UBE2J2: variants seen among roughly 807,000 people sequenced by gnomAD.
UBE2J2 encodes the protein ubiquitin-conjugating enzyme E2 J2.
A neutral mutation model predicts 28.6 loss-of-function variants in UBE2J2; 5 were observed. The ratio of observed to expected loss-of-function variants is 0.17; its 90% CI spans 0.09 to 0.37. The LOEUF (loss-of-function observed/expected upper bound fraction) is 0.37. Among genes scored for constraint, UBE2J2 ranks in the 10% least tolerant of loss-of-function variants. The probability of loss-of-function intolerance (pLI) is 1.00; values close to 1 mark genes in which losing one functional copy is unlikely to be tolerated. For synonymous variants in UBE2J2, 138 were observed against 139.7 expected (o/e 0.99, Z 0.09); for missense variants, 226 against 338.9 (o/e 0.67, Z 2.62).
At chr1:1,263,455 G>C in intron 2 of UBE2J2, 69 bp from the exon 3 acceptor site, 2 of 1,438,296 alleles carry the variant, frequency 1.4e-6, no homozygotes, top group Non-Finnish European at 2.0e-6. Context: ...ATCATTCCAA[G>C]CCTGGGGTTT....
intron 3 of UBE2J2, among the ~76,000 whole-genome samples, chr1:1,258,938 G>C (rs965143789): frequency 1.3e-5 from 2 of 152,246 alleles, no homozygotes; most frequent in East Asian, 1.9e-4. Context: ...CCAACCAGAG[G>C]ACCACAAGTG....
chr1:1,272,230 C>A (rs1008792218), intron 1 of UBE2J2, among the ~76,000 whole-genome samples: 3 of 152,056 alleles, frequency 2.0e-5, no homozygotes, highest in Non-Finnish European at 4.4e-5. Flanking sequence ...CTTCAAACAT[C>A]CCCACAGACA....
intron 2 of UBE2J2, among the ~76,000 whole-genome samples, chr1:1,266,586 C>T (rs953063786): frequency 1.3e-5 from 2 of 152,192 alleles, no homozygotes; most frequent in Admixed American, 6.5e-5. Context: ...TTCTGGGAGG[C>T]CAAGGCGGGC....
chr1:1,264,926 C>G (rs1639759756), intron 2 of UBE2J2: 1 of 153,618 alleles, frequency 6.5e-6, no homozygotes, highest in Non-Finnish European at 1.5e-5. Flanking sequence ...AATGGGATGA[C>G]GTATAGTAAT....
At position 1,258,032 on chromosome 1, in the gene UBE2J2, T is replaced by G. The variant is rs1038381120; in HGVS notation, c.173-722A>C. On this transcript the variant is annotated intron_variant, in intron 3 of 6. Transcript: ENST00000349431. ...AGGGTCACCCACACGTTCCCACTTTTTTTTGTTTTGTTTTGTTTTTTTTTT... is the reference window on the plus strand; with the variant it reads ...AGGGTCACCCACACGTTCCCACTTTGTTTTGTTTTGTTTTGTTTTTTTTTT... Among the ~76,000 whole-genome samples, 11 of 152,058 alleles carry G rather than the reference T, an allele frequency of 7.2e-5. No homozygotes were observed. The Middle Eastern group carries it at 0.01, about 141-fold the overall frequency.
intron 3 of UBE2J2, 70 bp from the exon 4 acceptor site, chr1:1,257,380 A>AC (rs1570539059): frequency 1.1e-4 from 32 of 299,396 alleles, no homozygotes; most frequent in South Asian, 3.8e-4. Context: ...CCTCGTCCCC[A>AC]TCCCCCCACG....
chr1:1,269,869 T>C (rs1314989517), intron 1 of UBE2J2, among the ~76,000 whole-genome samples: 1 of 152,184 alleles, frequency 6.6e-6, no homozygotes, highest in Non-Finnish European at 1.5e-5. Context: ...ACCGGAAGTC[T>C]ACTCTACCCA....
chr1:1,260,656 C>G (rs549324016), intron 3 of UBE2J2, among the ~76,000 whole-genome samples: 5 of 152,214 alleles, frequency 3.3e-5, no homozygotes, highest in Non-Finnish European at 7.3e-5. Flanking sequence ...GCTTGAACAT[C>G]CCCACACCCC....
chr1:1,263,349 C>T lies in UBE2J2; in HGVS notation c.169G>A (p.Glu57Lys). The change falls in exon 3 of 7, where the codon GAA becomes AAA. Residue 57 changes from glutamate to lysine, a missense_variant. By Grantham distance (56) the Glu-to-Lys change is moderately conservative. Coordinates refer to ENST00000349431, the MANE Select transcript of UBE2J2 (RefSeq NM_058167.3). ...CTCCTAAGCACAGAATCCTTACCTT[C>T]ATAAGGGGTCATCTCTGGGCCTCGG... is the stretch of plus-strand genomic sequence containing the variant. ...VVRGPEMTPY[E>K]GGYYHGKLIF... The T allele has an allele frequency of 6.2e-7, 1 of 1,613,362 alleles. No individual in the cohort carries two copies. Among genetic ancestry groups the T allele is most frequent in the Non-Finnish European group, 8.5e-7 (1 of 1,179,416 alleles).
intron 2 of UBE2J2, among the ~76,000 whole-genome samples, chr1:1,265,541 G>A (rs760523564): frequency 2.0e-5 from 3 of 150,928 alleles, no homozygotes; most frequent in East Asian, 1.9e-4. Flanking sequence ...TGCCTCTTCC[G>A]CTGGCTGACT....
chr1:1,264,113 C>T (rs958492202), intron 2 of UBE2J2, among the ~76,000 whole-genome samples: 7 of 152,086 alleles, frequency 4.6e-5, no homozygotes, highest in African/African-American at 1.7e-4. Context: ...CGGCTCGGTA[C>T]CCCCAGCCCT....
intron 3 of UBE2J2, among the ~76,000 whole-genome samples, chr1:1,261,433 C>A (rs555656584): frequency 6.6e-6 from 1 of 152,308 alleles, no homozygotes; most frequent in East Asian, 1.9e-4. Context: ...CGCACCACAC[C>A]CAGGGGCTGC....
intron 1 of UBE2J2, among the ~76,000 whole-genome samples, chr1:1,270,632 C>T (rs1226685543): frequency 6.6e-6 from 1 of 152,200 alleles, no homozygotes; most frequent in Non-Finnish European, 1.5e-5. Flanking sequence ...CCTCCCAACT[C>T]CCCCCGTGGG....
rs1239376368 is a variant in UBE2J2, at chr1:1,255,183, T to C, written c.*20A>G. ...GTGCGCGGTGCCCTCAGTGGCGCCT[T>C]GGGTCTCGGCGCCTGGGCCTCACTC... On this transcript the variant is annotated 3_prime_UTR_variant, in exon 7 of 7. Transcript: ENST00000349431. 6.4e-7 allele frequency: 1 copy of C among 1,564,018 alleles called. No individual in the cohort carries two copies. The highest frequency in any genetic ancestry group is 2.3e-5 in the East Asian group (1 of 44,218).
In UBE2J2 at chr1:1,273,791, G is replaced by C. The variant is rs1368063290; in HGVS notation, c.-126C>G. Reference sequence around the variant, plus strand: ...GCACCGCCCCGGGATTGGGCCCACCGAACCCGCCGCAGCGCCGCCGCCGCC... The same window carrying C: ...GCACCGCCCCGGGATTGGGCCCACCCAACCCGCCGCAGCGCCGCCGCCGCC... On this transcript the variant is annotated 5_prime_UTR_variant, in exon 1 of 7. Coordinates refer to ENST00000349431, the MANE Select transcript of UBE2J2 (RefSeq NM_058167.3). 1 of 150,172 alleles carries C rather than the reference G, an allele frequency of 6.7e-6. No individual in the cohort carries two copies. The highest frequency in any genetic ancestry group is 6.9e-5 in the Admixed American group (1 of 14,390). 9.3% of individuals were successfully genotyped at this position (150,172 alleles called of 1,614,324 possible). A position where few individuals can be genotyped will look rare whatever the true frequency, so the allele number is the denominator to read the frequency against.
At chr1:1,269,908 T>A (rs1485002951) in intron 1 of UBE2J2, among the ~76,000 whole-genome samples, 1 of 152,212 alleles carries the variant, frequency 6.6e-6, no homozygotes, top group African/African-American at 2.4e-5. Context: ...TTTGGCTATG[T>A]CCCCACCCAA....
rs566889546 is a variant in UBE2J2 at position 1,268,366 on chromosome 1, C to A, written c.1-374G>T. 4.8e-4 allele frequency among the ~76,000 whole-genome samples: 73 copies of A among 152,278 alleles called. 1 individual carries two copies. In the South Asian group the frequency reaches 7.5e-3, roughly 16 times the overall value. ...GAGGGCAGCTACTCGCACCTTCCAACTCAGCTCAAGGACCCCGCACTGATG... is the reference window on the plus strand; with the variant it reads ...GAGGGCAGCTACTCGCACCTTCCAAATCAGCTCAAGGACCCCGCACTGATG... On this transcript the variant is annotated intron_variant, in intron 1 of 6. Coordinates refer to ENST00000349431, the MANE Select transcript of UBE2J2 (RefSeq NM_058167.3). This position sits in a 1 kb window ranked among gnomAD's most constrained non-coding sequence, Gnocchi z 4.7.
At chr1:1,265,050 T>C (rs890915419) in intron 2 of UBE2J2, among the ~76,000 whole-genome samples, 6 of 152,228 alleles carry the variant, frequency 3.9e-5, no homozygotes, top group African/African-American at 7.2e-5. Context: ...CAGCACGCGA[T>C]GCACCCAGGA....
At chr1:1,256,548 G>C (rs368425074) in intron 5 of UBE2J2, among the ~76,000 whole-genome samples, 2 of 152,182 alleles carry the variant, frequency 1.3e-5, no homozygotes, top group African/African-American at 4.8e-5. Flanking sequence ...ACAGTGCCTG[G>C]GACAAGGTGG....
Sources: allele counts gnomAD v4.1 joint callset (sites outside exome capture counted in the v4.1 genomes callset), GRCh38; gene constraint gnomAD v4.1.1; non-coding constraint Gnocchi (gnomAD v3.1); transcripts MANE v1.5; gene names NCBI Gene and HGNC (gene_info 2026-07-23, HGNC 2026-07-21).